The following PFKFB2 variants were observed in gnomAD, a reference collection of about 807,000 sequenced individuals.
PFKFB2 encodes 6-phosphofructo-2-kinase/fructose-2,6-bisphosphatase 2.
A neutral mutation model predicts 68.0 loss-of-function variants in PFKFB2; 53 were observed. The observed-to-expected ratio is 0.78, with a 90% confidence interval of 0.63 to 0.98. The LOEUF (loss-of-function observed/expected upper bound fraction) is 0.98, where lower values mean the gene tolerates loss of function less well. Ranked by LOEUF, PFKFB2 falls within the 50% of genes least tolerant of loss-of-function variation. The pLI is 0.00. For synonymous variants in PFKFB2, 222 were observed against 227.6 expected (o/e 0.98, Z 0.22); for missense variants, 451 against 642.0 (o/e 0.70, Z 3.22).
intron 1 of PFKFB2, among the ~76,000 whole-genome samples, chr1:207,053,609 T>C (rs573248708): frequency 2.6e-5 from 4 of 152,240 alleles, no homozygotes; most frequent in Middle Eastern, 3.4e-3. Flanking sequence ...GTTGTCTGAA[T>C]TGGGGGCATG....
At chr1:207,049,451 T>G, upstream of PFKFB2, 1 of 1,614,200 alleles carries the variant, frequency 6.2e-7, no homozygotes, top group Non-Finnish European at 8.5e-7. Flanking sequence ...TACTCTTGAT[T>G]TGTTTTTCCC....
chr1:207,037,359 T>C (rs1682395810), intron 1 of PFKFB2, among the ~76,000 whole-genome samples: 1 of 152,232 alleles, frequency 6.6e-6, no homozygotes, highest in Non-Finnish European at 1.5e-5. Context: ...AAATGCTAGT[T>C]CTTCTTCCCT....
chr1:207,063,292 G>T lies in PFKFB2; in HGVS notation c.376-55G>T. On this transcript the variant is annotated intron_variant, in intron 5 of 14. Coordinates refer to ENST00000367080, the MANE Select transcript of PFKFB2 (RefSeq NM_006212.2). This position sits in a 1 kb window ranked among gnomAD's most constrained non-coding sequence, Gnocchi z 4.1. The stretch of plus-strand genomic sequence containing the variant: ...CCCAGCCCCACCTTGAGTCTGCCCT[G>T]GTGGGGTTCTGTTTCTCTGTTCCTG... 1 of 1,582,226 alleles carries T rather than the reference G, an allele frequency of 6.3e-7. No individual in the cohort carries two copies. Among genetic ancestry groups the T allele is most frequent in the South Asian group, 1.1e-5 (1 of 90,434 alleles).
intron 13 of PFKFB2, 68 bp downstream of exon 13, chr1:207,071,318 G>T: frequency 7.2e-7 from 1 of 1,384,948 alleles, no homozygotes; most frequent in Non-Finnish European, 1.0e-6. Context: ...TCTGAAGTTT[G>T]TCTAGAGTTC....
At chr1:207,042,026 T>C (rs575105147) in intron 1 of PFKFB2, 23 of 152,246 alleles carry the variant, frequency 1.5e-4, no homozygotes, top group Non-Finnish European at 2.9e-4. Flanking sequence ...GTAAGTTTAC[T>C]TTGCAACAAT....
chr1:207,052,564 G>C (rs923193226), upstream of PFKFB2, among the ~76,000 whole-genome samples: 3 of 152,104 alleles, frequency 2.0e-5, no homozygotes, highest in Admixed American at 1.3e-4. Context: ...GGAGGCAGGA[G>C]AATCGCTTGA....
chr1:207,040,549 T>G (rs1291702532), intron 1 of PFKFB2, among the ~76,000 whole-genome samples: 4 of 152,234 alleles, frequency 2.6e-5, no homozygotes, highest in Non-Finnish European at 4.4e-5. Flanking sequence ...GAATTCATTT[T>G]ATGAGGAAAT....
chr1:207,054,693 T>G lies in PFKFB2; in HGVS notation c.-17-8T>G, dbSNP rs1259290872. 9 of 1,576,034 alleles carry G rather than the reference T, an allele frequency of 5.7e-6. No homozygotes were observed. The highest frequency in any genetic ancestry group is 7.8e-6 in the Non-Finnish European group (9 of 1,147,596). ...TTCCCTTTTTTACATTCTACTTCTC[T>G]GTTTCAGACATCTGAAGAGCTGCCA... On this transcript the variant is annotated splice_region_variant and splice_polypyrimidine_tract_variant and intron_variant, in intron 1 of 14. Transcript: ENST00000367080.
chr1:207,052,160 T>G, upstream of PFKFB2: 1 of 1,610,056 alleles, frequency 6.2e-7, no homozygotes, highest in South Asian at 1.1e-5. Context: ...CTATGAAAAG[T>G]GTAGTTCACT....
chr1:207,074,898 G>A lies in PFKFB2; in HGVS notation c.*2527G>A, dbSNP rs1454640780. 1.0e-6 allele frequency: 1 copy of A among 985,380 alleles called. No individual in the cohort carries two copies. The highest frequency in any genetic ancestry group is 1.2e-6 in the Non-Finnish European group (1 of 829,986). 61.0% of individuals were successfully genotyped at this position (985,380 alleles called of 1,614,324 possible). A position where few individuals can be genotyped will look rare whatever the true frequency, so the allele number is the denominator to read the frequency against. ...GGCTATGAGACTACAGGGGTTGGGG[G>A]ATGGGGATGCCCCCACCACCACCAG... is the stretch of plus-strand genomic sequence containing the variant. On this transcript the variant is annotated 3_prime_UTR_variant, in exon 15 of 15. Transcript: ENST00000367080.
At position 207,077,427 on chromosome 1, in the gene PFKFB2, A is replaced by G. The variant is rs1683659211; in HGVS notation, c.*5056A>G. ...ACCTACGCAATGTTTTTGTATCTGA[A>G]TTGCTTATGTACGTTTTTTATTATA... On this transcript the variant is annotated 3_prime_UTR_variant, in exon 15 of 15. Transcript: ENST00000367080. The G allele has an allele frequency of 1.0e-6, 1 of 985,158 alleles. No individual in the cohort carries two copies. Among genetic ancestry groups the G allele is most frequent in the Admixed American group, 6.2e-5 (1 of 16,248 alleles). 61.0% of individuals were successfully genotyped at this position (985,158 alleles called of 1,614,324 possible). A position where few individuals can be genotyped will look rare whatever the true frequency, so the allele number is the denominator to read the frequency against.
rs1051757578 is a variant in PFKFB2, at chr1:207,074,423, A to C, written c.*2052A>C. 1.2e-5 allele frequency: 12 copies of C among 985,302 alleles called. No homozygotes were observed. The highest frequency in any genetic ancestry group is 1.3e-5 in the Non-Finnish European group (11 of 829,938). 61.0% of individuals were successfully genotyped at this position (985,302 alleles called of 1,614,324 possible). On this transcript the variant is annotated 3_prime_UTR_variant, in exon 15 of 15. Transcript: ENST00000367080. The stretch of plus-strand genomic sequence containing the variant: ...TGTGGAACAAATCACTGAATTAAAT[A>C]ATTGTCTCTAGAGAGCAGCTGGGGA...
chr1:207,056,117 C>G (rs1572716885), intron 2 of PFKFB2, among the ~76,000 whole-genome samples: 2 of 151,992 alleles, frequency 1.3e-5, no homozygotes, highest in East Asian at 3.9e-4. Flanking sequence ...ACAGTGTCTC[C>G]CCCAAGAGTG....
At chr1:207,072,082 A>G in intron 14 of PFKFB2, 122 bp from the exon 15 acceptor site, 1 of 1,501,846 alleles carries the variant, frequency 6.7e-7, no homozygotes, top group Non-Finnish European at 8.9e-7. Context: ...CCTGTGAGGG[A>G]CCCTGTGTGC....
chr1:207,063,199 G>A lies in PFKFB2; in HGVS notation c.365G>A (p.Gly122Asp), dbSNP rs1273810034. ...AAGGCGTATCTCACTGAGGAGAATGGTCAGATTGCGGTAAGCTTTATCTGC... is the reference window on the plus strand; with the variant it reads ...AAGGCGTATCTCACTGAGGAGAATGATCAGATTGCGGTAAGCTTTATCTGC... ...DVKAYLTEEN[G>D]QIAVFDATNT... The change falls in exon 5 of 15, where the codon GGT (glycine) becomes GAT (aspartate). Residue 122 changes from glycine (G) to aspartate (D), a missense_variant. Physicochemically the swap from Gly to Asp is moderately conservative, Grantham distance 94 (BLOSUM62 -1). Transcript: ENST00000367080. The surrounding 1 kb of genome is among the most constrained non-coding windows in gnomAD (Gnocchi z 4.1). 1.2e-6 allele frequency: 2 copies of A among 1,613,722 alleles called. No homozygotes were observed. Among genetic ancestry groups the A allele is most frequent in the Admixed American group, 3.3e-5 (2 of 60,032 alleles).
chr1:207,064,672 A>G (rs1386491245), intron 7 of PFKFB2, among the ~76,000 whole-genome samples: 1 of 152,208 alleles, frequency 6.6e-6, no homozygotes, highest in African/African-American at 2.4e-5. Flanking sequence ...TCTGGTCCCA[A>G]GTCAGGCACT....
intron 14 of PFKFB2, 123 bp from the exon 15 acceptor site, chr1:207,072,081 G>A (rs889601304): frequency 1.3e-5 from 19 of 1,499,138 alleles, no homozygotes; most frequent in African/African-American, 9.8e-5. Flanking sequence ...CCCTGTGAGG[G>A]ACCCTGTGTG....
chr1:207,073,090 G>C lies in PFKFB2; in HGVS notation c.*719G>C. On this transcript the variant is annotated 3_prime_UTR_variant, in exon 15 of 15. Transcript: ENST00000367080. ...CAGGACATCCACAGAATATTCTGGA[G>C]CTTGCAAGTAGACATAGGGTGAGAG... 1.0e-6 allele frequency: 1 copy of C among 985,492 alleles called. No individual in the cohort carries two copies. Among genetic ancestry groups the C allele is most frequent in the Non-Finnish European group, 1.2e-6 (1 of 829,970 alleles). 61.0% of individuals were successfully genotyped at this position (985,492 alleles called of 1,614,324 possible).
intron 1 of PFKFB2, among the ~76,000 whole-genome samples, chr1:207,037,756 C>G (rs1002821772): frequency 6.6e-6 from 1 of 152,152 alleles, no homozygotes; most frequent in Non-Finnish European, 1.5e-5. Context: ...TACATCTATC[C>G]TCTTCTCTTG....
Sources: gnomAD v4.1 joint callset for allele counts (sites outside exome capture counted in the v4.1 genomes callset) on GRCh38, gnomAD v4.1.1 for gene constraint, Gnocchi (gnomAD v3.1) non-coding constraint, MANE v1.5 for transcripts, NCBI Gene and HGNC (gene_info 2026-07-23, HGNC 2026-07-21) for gene names.